The following KCNH7 variants were observed in gnomAD, a reference collection of about 807,000 sequenced individuals.
The protein encoded by KCNH7 is voltage-gated inwardly rectifying potassium channel KCNH7.
KCNH7 carries 49 observed loss-of-function variants against 120.8 expected under a neutral mutation model. That is an observed-to-expected ratio of 0.41 (90% CI 0.32 to 0.51). The LOEUF is 0.51. KCNH7 is among the 20% of genes least tolerant of loss of function. KCNH7 has a pLI of 0.38. For synonymous variants in KCNH7, 547 were observed against 516.1 expected (o/e 1.06, Z -0.81); for missense variants, 1,097 against 1,446.6 (o/e 0.76, Z 3.92).
At position 162,642,943 on chromosome 2, in the gene KCNH7, C is replaced by T. The variant is rs148014848; in HGVS notation, c.308-105863G>A. ...CATAACATGCTGGTCAAATTATGGG[C>T]ACTAGGGGAAATGTAAGATGAAAGA... On this transcript the variant is annotated intron_variant, in intron 2 of 15. Coordinates refer to ENST00000332142, the MANE Select transcript of KCNH7 (RefSeq NM_033272.4). 1.3e-3 allele frequency among the ~76,000 whole-genome samples: 203 copies of T among 152,166 alleles called. 3 individuals carry two copies. The highest frequency in any genetic ancestry group is 4.7e-3 in the African/African-American group (193 of 41,504).
At chr2:162,527,100 T>C (rs950789528) in intron 3 of KCNH7, among the ~76,000 whole-genome samples, 1 of 151,962 alleles carries the variant, frequency 6.6e-6, no homozygotes, top group Non-Finnish European at 1.5e-5. Context: ...TAGAAATAGA[T>C]ACGATGTTCA....
chr2:162,421,758 G>A (rs565173595), intron 9 of KCNH7, among the ~76,000 whole-genome samples: 3 of 152,112 alleles, frequency 2.0e-5, no homozygotes, highest in African/African-American at 4.8e-5. Flanking sequence ...ACAATGAAAG[G>A]TAAATAGTTG....
intron 7 of KCNH7, among the ~76,000 whole-genome samples, chr2:162,438,778 A>G (rs1309282817): frequency 6.6e-6 from 1 of 152,164 alleles, no homozygotes; most frequent in Non-Finnish European, 1.5e-5. Context: ...TGTGTATAAC[A>G]CATCTTGTAG....
chr2:162,638,577 C>A (rs1684041727), intron 2 of KCNH7, among the ~76,000 whole-genome samples: 2 of 152,012 alleles, frequency 1.3e-5, no homozygotes, highest in South Asian at 4.1e-4. Flanking sequence ...AAGTAACCAG[C>A]ATCTAAGATC....
intron 2 of KCNH7, among the ~76,000 whole-genome samples, chr2:162,588,132 A>G (rs1218577509): frequency 1.3e-5 from 2 of 152,104 alleles, no homozygotes; most frequent in South Asian, 2.1e-4. Context: ...CACTGCCACA[A>G]CCTACCATGA....
chr2:162,517,671 C>T (rs1303241733), intron 4 of KCNH7, 59 bp downstream of exon 4: 2 of 1,329,504 alleles, frequency 1.5e-6, no homozygotes, highest in Non-Finnish European at 2.1e-6. Context: ...AAACAATATG[C>T]AAATAATCAT....
At chr2:162,676,940 G>A (rs943184278) in intron 2 of KCNH7, among the ~76,000 whole-genome samples, 19 of 151,282 alleles carry the variant, frequency 1.3e-4, no homozygotes, top group African/African-American at 4.1e-4. Flanking sequence ...TGCTAACTTA[G>A]CTTAAATGTA....
chr2:162,560,595 C>T (rs940222057), intron 2 of KCNH7, among the ~76,000 whole-genome samples: 1 of 152,146 alleles, frequency 6.6e-6, no homozygotes, highest in Non-Finnish European at 1.5e-5. Flanking sequence ...GTGCAATAGT[C>T]AAGGTTAAAA....
intron 4 of KCNH7, among the ~76,000 whole-genome samples, chr2:162,515,351 G>T (rs919394013): frequency 4.6e-5 from 7 of 151,608 alleles, no homozygotes; most frequent in African/African-American, 1.7e-4. Flanking sequence ...GCACTAAATG[G>T]ATATCATATA....
Position 162,439,378 on chromosome 2 carries a change from T to C in KCNH7, c.1555-3781A>G, listed in dbSNP as rs147098196. Among the ~76,000 whole-genome samples the C allele has an allele frequency of 5.5e-3, 842 of 152,184 alleles. 7 individuals carry two copies. Among genetic ancestry groups the C allele is most frequent in the African/African-American group, 0.017 (716 of 41,552 alleles). On this transcript the variant is annotated intron_variant, in intron 7 of 15. Coordinates refer to ENST00000332142, the MANE Select transcript of KCNH7 (RefSeq NM_033272.4). ...ATACAAACACATAATGAAAATAAGA[T>C]ACAAAAACAGGTGAGTCATTTTGCA... is the stretch of plus-strand genomic sequence containing the variant.
At chr2:162,705,055 T>G (rs1273585865) in intron 2 of KCNH7, among the ~76,000 whole-genome samples, 1 of 152,136 alleles carries the variant, frequency 6.6e-6, no homozygotes, top group Non-Finnish European at 1.5e-5. Context: ...ATCTTACATT[T>G]TTTACAAACT....
At chr2:162,833,629 T>A (rs1264026012) in intron 2 of KCNH7, among the ~76,000 whole-genome samples, 1 of 152,154 alleles carries the variant, frequency 6.6e-6, no homozygotes, top group Non-Finnish European at 1.5e-5. Context: ...TAAAAATTGA[T>A]ATTCTGATAA....
intron 2 of KCNH7, among the ~76,000 whole-genome samples, chr2:162,689,839 A>G (rs777606721): frequency 2.6e-5 from 4 of 152,158 alleles, no homozygotes; most frequent in Non-Finnish European, 5.9e-5. Context: ...CCCAAATAAC[A>G]GAAGTGCCAT....
At chr2:162,702,006 C>CAA (rs11297562) in intron 2 of KCNH7, among the ~76,000 whole-genome samples, 1 of 135,930 alleles carries the variant, frequency 7.4e-6, no homozygotes, top group Non-Finnish European at 1.6e-5. Context: ...GACGCCATCT[C>CAA]AAAAAAAAAA....
intron 5 of KCNH7, among the ~76,000 whole-genome samples, chr2:162,505,228 G>C (rs1319761738): frequency 3.9e-5 from 6 of 151,900 alleles, no homozygotes; most frequent in Non-Finnish European, 8.8e-5. Flanking sequence ...TACAGATAAA[G>C]CTGCAGAGGG....
chr2:162,771,189 G>T (rs1435000), intron 2 of KCNH7, among the ~76,000 whole-genome samples: 42,702 of 151,896 alleles, frequency 0.28, 6,980 homozygotes, highest in African/African-American at 0.46. Context: ...CTTGAAATAT[G>T]TTATGGTTTC....
At chr2:162,574,246 T>G (rs1693590529) in intron 2 of KCNH7, among the ~76,000 whole-genome samples, 3 of 152,084 alleles carry the variant, frequency 2.0e-5, no homozygotes. Flanking sequence ...AATGCAAATG[T>G]GACGGCTTGG....
At chr2:162,750,619 CA>C (rs1270446531) in intron 2 of KCNH7, among the ~76,000 whole-genome samples, 1 of 151,956 alleles carries the variant, frequency 6.6e-6, no homozygotes, top group Non-Finnish European at 1.5e-5. Context: ...AGATAATTTA[CA>C]GAGGTATAAG....
At chr2:162,689,763 A>G (rs954993548) in intron 2 of KCNH7, among the ~76,000 whole-genome samples, 3 of 152,254 alleles carry the variant, frequency 2.0e-5, no homozygotes, top group Non-Finnish European at 4.4e-5. Flanking sequence ...TCTAGGCATT[A>G]TGTTTGCTTT....
Sources: gnomAD v4.1 joint callset for allele counts (sites outside exome capture counted in the v4.1 genomes callset) on GRCh38, gnomAD v4.1.1 for gene constraint, MANE v1.5 for transcripts, NCBI Gene and HGNC (gene_info 2026-07-23, HGNC 2026-07-21) for gene names.